Variants in AKR1E2 observed in about 807,000 individuals in gnomAD.
The protein encoded by AKR1E2 is aldo-keto reductase family 1 member E2.
A neutral mutation model predicts 41.9 loss-of-function variants in AKR1E2; 43 were observed. That is an observed-to-expected ratio of 1.03 (90% confidence interval 0.80 to 1.32). AKR1E2 has a LOEUF of 1.32. Ranked by LOEUF, AKR1E2 falls within the 40% of genes most tolerant of loss-of-function variation. The pLI is 0.00. For missense variants in AKR1E2, 423 were observed against 396.5 expected, an observed-to-expected ratio of 1.07 and a Z score of -0.57; for synonymous variants, 121 against 138.9, an observed-to-expected ratio of 0.87 and a Z score of 0.91.
At chr10:4,857,529 GCTTTCTA>G in the AKR1E2 span, among the ~76,000 whole-genome samples, 9 of 152,088 alleles carry the variant, frequency 5.9e-5, no homozygotes, top group Admixed American at 3.3e-4. Context: ...CCAGCATCAT[GCTTTCTA>G]TACAGCCTGT....
At chr10:4,842,327 C>A in intron 7 of AKR1E2, 94 bp from the exon 8 acceptor site, 2 of 1,088,558 alleles carry the variant, frequency 1.8e-6, no homozygotes, top group Non-Finnish European at 2.8e-6. Flanking sequence ...GATTCTTGGA[C>A]TCTTACTGCA....
chr10:4,852,372 C>T (rs1392979635), downstream of AKR1E2, among the ~76,000 whole-genome samples: 2 of 152,176 alleles, frequency 1.3e-5, no homozygotes, highest in Non-Finnish European at 2.9e-5. Context: ...AGATAGATCA[C>T]GGCCCTCATT....
intron 6 of AKR1E2, 42 bp from the exon 7 acceptor site, chr10:4,841,743 G>A: frequency 7.0e-7 from 1 of 1,421,580 alleles, no homozygotes; most frequent in South Asian, 1.5e-5. Flanking sequence ...GGGCATCCAT[G>A]TTGGATCTCC....
chr10:4,862,728 C>T, the AKR1E2 span, among the ~76,000 whole-genome samples: 38 of 151,788 alleles, frequency 2.5e-4, no homozygotes, highest in African/African-American at 8.9e-4. Flanking sequence ...TTTGGCTCTC[C>T]GTTAGACACA....
intron 1 of AKR1E2, among the ~76,000 whole-genome samples, chr10:4,827,756 G>T (rs1832661393): frequency 6.6e-6 from 1 of 152,176 alleles, no homozygotes; most frequent in African/African-American, 2.4e-5. Context: ...TAGAGGCTAG[G>T]AGTGTCGTTT....
At chr10:4,832,748 C>G (rs1833072438) in intron 2 of AKR1E2, among the ~76,000 whole-genome samples, 1 of 151,950 alleles carries the variant, frequency 6.6e-6, no homozygotes, top group Admixed American at 6.6e-5. Flanking sequence ...ACTTTACTTT[C>G]TTTTACTTTA....
chr10:4,853,100 A>G, the AKR1E2 span, among the ~76,000 whole-genome samples: 3 of 152,264 alleles, frequency 2.0e-5, no homozygotes, highest in Non-Finnish European at 4.4e-5. Context: ...CAATGGGGAA[A>G]GTAAGCCCCT....
chr10:4,860,776 A>G, the AKR1E2 span, among the ~76,000 whole-genome samples: 1 of 152,344 alleles, frequency 6.6e-6, no homozygotes, highest in African/African-American at 2.4e-5. Flanking sequence ...TGGTATGAAT[A>G]TGCTTTATTG....
intron 2 of AKR1E2, among the ~76,000 whole-genome samples, chr10:4,832,219 T>G (rs1279488976): frequency 6.6e-6 from 1 of 152,232 alleles, no homozygotes; most frequent in Non-Finnish European, 1.5e-5. Flanking sequence ...AGCTTCATTA[T>G]TTGTAAAATG....
At chr10:4,871,012 A>T in the AKR1E2 span, among the ~76,000 whole-genome samples, 2 of 151,982 alleles carry the variant, frequency 1.3e-5, no homozygotes, top group Admixed American at 1.3e-4. Context: ...CTCTTGGATG[A>T]TTTATATTGC....
Position 4,830,725 on chromosome 10 carries a change from G to C in AKR1E2, c.90G>C (p.Gly30=). The C allele has an allele frequency of 6.2e-7, 1 of 1,614,144 alleles. No individual in the cohort carries two copies. The highest frequency in any genetic ancestry group is 8.5e-7 in the Non-Finnish European group (1 of 1,180,040). ...CAGTGAAAGAGGCCATTGACGCAGG[G>C]TACCGGCACTTCGACTGTGCTTACT... is the stretch of plus-strand genomic sequence containing the variant. The part of the protein sequence containing the change: ...TEAVKEAIDA[G]YRHFDCAYFY... Residue 30 remains glycine (G), a synonymous_variant, in exon 2 of 10, where the codon GGG becomes GGC. Transcript: ENST00000298375.
chr10:4,826,441 C>CG (rs1262351650), intron 1 of AKR1E2, 78 bp downstream of exon 1: 2 of 1,194,796 alleles, frequency 1.7e-6, no homozygotes, highest in East Asian at 3.2e-5. Context: ...GGACCCAGGC[C>CG]GGGGCTGGGG....
the AKR1E2 span, among the ~76,000 whole-genome samples, chr10:4,865,027 A>G: frequency 6.6e-6 from 1 of 152,202 alleles, no homozygotes; most frequent in Non-Finnish European, 1.5e-5. Context: ...GAAAAATTAG[A>G]AAGGAATATA....
chr10:4,826,920 G>A (rs916850995), intron 1 of AKR1E2, among the ~76,000 whole-genome samples: 6 of 151,688 alleles, frequency 4.0e-5, no homozygotes, highest in African/African-American at 1.5e-4. Flanking sequence ...TACAAAAAAT[G>A]AACAAATCAG....
intron 3 of AKR1E2, among the ~76,000 whole-genome samples, chr10:4,835,324 C>T (rs968955810): frequency 1.3e-5 from 2 of 152,192 alleles, no homozygotes; most frequent in Non-Finnish European, 2.9e-5. Context: ...TGATTGGGCT[C>T]TATAAGACAT....
chr10:4,845,209 A>G (rs1195570623), intron 8 of AKR1E2, among the ~76,000 whole-genome samples: 1 of 152,104 alleles, frequency 6.6e-6, no homozygotes, highest in Non-Finnish European at 1.5e-5. Context: ...AGCCGCTCCG[A>G]GTGCCGGGCC....
chr10:4,854,259 A>C, the AKR1E2 span, among the ~76,000 whole-genome samples: 2 of 151,796 alleles, frequency 1.3e-5, no homozygotes, highest in Admixed American at 6.6e-5. Flanking sequence ...ACATCCAGCT[A>C]ATTTTTGTAT....
At chr10:4,849,442 A>C (rs1834481116), downstream of AKR1E2, among the ~76,000 whole-genome samples, 1 of 152,256 alleles carries the variant, frequency 6.6e-6, no homozygotes, top group Non-Finnish European at 1.5e-5. Flanking sequence ...ATCTGCATGT[A>C]GCACTCTTGT....
the AKR1E2 span, among the ~76,000 whole-genome samples, chr10:4,863,039 T>C: frequency 1.3e-5 from 2 of 151,600 alleles, no homozygotes; most frequent in Non-Finnish European, 3.0e-5. Flanking sequence ...CTGTCAACAT[T>C]AGACAGATCA....
Sources: gnomAD v4.1 joint callset for allele counts (sites outside exome capture counted in the v4.1 genomes callset) on GRCh38, gnomAD v4.1.1 for gene constraint, MANE v1.5 for transcripts, NCBI Gene and HGNC (gene_info 2026-07-23, HGNC 2026-07-21) for gene names.